CNST: variants seen among roughly 807,000 people sequenced by gnomAD.
CNST encodes the protein consortin.
Under a neutral mutation model 72.4 loss-of-function variants are expected in CNST, and 39 were observed. The observed-to-expected ratio is 0.54, with a 90% CI of 0.42 to 0.70. The LOEUF (loss-of-function observed/expected upper bound fraction) is 0.70. Among genes scored for constraint, CNST ranks in the 30% least tolerant of loss-of-function variants. The pLI is 0.00. For synonymous variants in CNST, 332 were observed against 320.1 expected, an observed-to-expected ratio of 1.04 and a Z score of -0.40; for missense variants, 871 against 868.5, an observed-to-expected ratio of 1.00 and a Z score of -0.04.
intron 2 of CNST, among the ~76,000 whole-genome samples, chr1:246,594,880 AATG>A (rs1661777998): frequency 6.6e-6 from 1 of 152,178 alleles, no homozygotes; most frequent in Non-Finnish European, 1.5e-5. Flanking sequence ...TCGTCTGTAT[AATG>A]ATGATCTTCA....
intron 10 of CNST, among the ~76,000 whole-genome samples, chr1:246,663,546 G>A (rs147570351): frequency 6.6e-6 from 1 of 152,112 alleles, no homozygotes; most frequent in Non-Finnish European, 1.5e-5. Flanking sequence ...TTTGAGACCA[G>A]CCTGGCCAAT....
chr1:246,633,865 C>T (rs2103100962), intron 4 of CNST, 59 bp from the exon 5 acceptor site: 3 of 1,159,054 alleles, frequency 2.6e-6, no homozygotes, highest in Non-Finnish European at 3.9e-6. Context: ...CATTGTTCTT[C>T]AAATATGGGA....
At chr1:246,631,773 AAG>A (rs1282012044) in intron 3 of CNST, 119 bp from the exon 4 acceptor site, 29 of 741,040 alleles carry the variant, frequency 3.9e-5, no homozygotes, top group South Asian at 2.5e-4. Context: ...AGTTTAAAAA[AAG>A]AGTTTTCTTA....
At chr1:246,587,105 A>G (rs999567854) in intron 1 of CNST, among the ~76,000 whole-genome samples, 8 of 152,226 alleles carry the variant, frequency 5.3e-5, no homozygotes, top group African/African-American at 1.9e-4. Context: ...TATGTAATAA[A>G]CTTAAAACAC....
At chr1:246,655,665 A>G (rs550623315) in intron 9 of CNST, among the ~76,000 whole-genome samples, 4 of 152,352 alleles carry the variant, frequency 2.6e-5, no homozygotes, top group Non-Finnish European at 4.4e-5. Context: ...AGCATATGGC[A>G]TAAAGCAACA....
intron 2 of CNST, among the ~76,000 whole-genome samples, chr1:246,613,477 A>C (rs1572178239): frequency 2.0e-5 from 3 of 151,890 alleles, no homozygotes; most frequent in African/African-American, 7.2e-5. Flanking sequence ...CTTCTCTCAG[A>C]TTTTTAATTT....
chr1:246,595,868 A>C (rs1402973063), intron 2 of CNST, among the ~76,000 whole-genome samples: 3 of 152,184 alleles, frequency 2.0e-5, no homozygotes, highest in Non-Finnish European at 2.9e-5. Flanking sequence ...AAAGGCTAGT[A>C]CTGGAAAAAA....
At chr1:246,618,558 C>G (rs907518311) in intron 2 of CNST, among the ~76,000 whole-genome samples, 9 of 151,740 alleles carry the variant, frequency 5.9e-5, no homozygotes, top group Non-Finnish European at 1.0e-4. Context: ...CCTTCCCCTC[C>G]CTACACTCAA....
intron 10 of CNST, among the ~76,000 whole-genome samples, chr1:246,662,428 C>T (rs904261696): frequency 6.6e-6 from 1 of 152,134 alleles, no homozygotes; most frequent in Admixed American, 6.5e-5. Flanking sequence ...CTCACTCTGT[C>T]GCCCGGCTGG....
chr1:246,578,555 C>T (rs1660584904), intron 1 of CNST, among the ~76,000 whole-genome samples: 1 of 151,956 alleles, frequency 6.6e-6, no homozygotes, highest in African/African-American at 2.4e-5. Flanking sequence ...CCTGTAGTCC[C>T]AGCTACTCGG....
At chr1:246,642,544 A>C (rs929094287) in intron 8 of CNST, among the ~76,000 whole-genome samples, 2 of 152,046 alleles carry the variant, frequency 1.3e-5, no homozygotes, top group African/African-American at 4.8e-5. Flanking sequence ...TTGTATGTAT[A>C]CATTTCTAAA....
chr1:246,664,580 C>T (rs1380791785), intron 10 of CNST, among the ~76,000 whole-genome samples: 1 of 152,156 alleles, frequency 6.6e-6, no homozygotes, highest in Non-Finnish European at 1.5e-5. Flanking sequence ...GCACCTGCCA[C>T]CACGCCCAGC....
At chr1:246,662,491 C>T (rs532561948) in intron 10 of CNST, among the ~76,000 whole-genome samples, 5 of 152,288 alleles carry the variant, frequency 3.3e-5, no homozygotes, top group African/African-American at 7.2e-5. Flanking sequence ...CGAGTTCAAG[C>T]GATTCTTCTG....
chr1:246,628,835 C>G (rs1664605686), intron 3 of CNST, among the ~76,000 whole-genome samples: 1 of 152,078 alleles, frequency 6.6e-6, no homozygotes, highest in Admixed American at 6.6e-5. Flanking sequence ...TAGAGCGTTC[C>G]TGATTGGTAA....
intron 2 of CNST, among the ~76,000 whole-genome samples, chr1:246,611,439 A>G (rs920080333): frequency 4.6e-5 from 7 of 152,352 alleles, no homozygotes; most frequent in Admixed American, 1.3e-4. Context: ...TAGGGCTTCC[A>G]GTAGCAAGAA....
chr1:246,587,292 G>A (rs568045313), intron 1 of CNST, among the ~76,000 whole-genome samples: 2 of 152,290 alleles, frequency 1.3e-5, no homozygotes, highest in Non-Finnish European at 2.9e-5. Flanking sequence ...GATAATGCAA[G>A]CTATTTTGTC....
rs1485608714 is a variant in CNST at position 246,666,233 on chromosome 1, G to T, written c.*328G>T. On this transcript the variant is annotated 3_prime_UTR_variant, in exon 11 of 11. Transcript: ENST00000366513. The stretch of plus-strand genomic sequence containing the variant: ...TAACCACACTATTTTTAGCTACCTT[G>T]TCAAGCTAATGGTTAAAGAACACTT... 4.9e-6 allele frequency: 1 copy of T among 203,634 alleles called. No individual in the cohort carries two copies. Among genetic ancestry groups the T allele is most frequent in the Non-Finnish European group, 9.8e-6 (1 of 101,820 alleles). 12.6% of individuals were successfully genotyped at this position (203,634 alleles called of 1,614,324 possible).
At chr1:246,572,176 G>A (rs1660106914) in intron 1 of CNST, among the ~76,000 whole-genome samples, 1 of 152,212 alleles carries the variant, frequency 6.6e-6, no homozygotes, top group Non-Finnish European at 1.5e-5. Flanking sequence ...AGGCTGCAGT[G>A]AAGCATGACT....
In CNST at chr1:246,665,906, C is replaced by T. The variant is rs2103181728; in HGVS notation, c.*1C>T. On this transcript the variant is annotated 3_prime_UTR_variant, in exon 11 of 11. Coordinates refer to ENST00000366513, the MANE Select transcript of CNST (RefSeq NM_152609.3). ...GAAGCACTGGATCTACCTCTCCTAG[C>T]AGCATTCCAGACACAGACATGCTGG... is the stretch of plus-strand genomic sequence containing the variant. 6.3e-7 allele frequency: 1 copy of T among 1,598,938 alleles called. No homozygotes were observed. Among genetic ancestry groups the T allele is most frequent in the East Asian group, 2.2e-5 (1 of 44,626 alleles).
Sources: allele counts gnomAD v4.1 joint callset (sites outside exome capture counted in the v4.1 genomes callset), GRCh38; gene constraint gnomAD v4.1.1; transcripts MANE v1.5; gene names NCBI Gene and HGNC (gene_info 2026-07-23, HGNC 2026-07-21).